Variants in SCAF8 observed in about 807,000 individuals in gnomAD.
SCAF8 encodes the protein SR-related and CTD-associated factor 8.
Under a neutral mutation model 140.5 loss-of-function variants are expected in SCAF8, and 23 were observed. The observed-to-expected ratio is 0.16, with a 90% CI of 0.12 to 0.23. The LOEUF is 0.23. Among genes scored for constraint, SCAF8 ranks in the 10% least tolerant of loss-of-function variants. The probability of loss-of-function intolerance (pLI) is 1.00; values close to 1 mark genes in which losing one functional copy is unlikely to be tolerated. For synonymous variants in SCAF8, 575 were observed against 528.9 expected (o/e 1.09, Z -1.20); for missense variants, 1,397 against 1,555.7 (o/e 0.90, Z 1.72).
Position 154,733,839 on chromosome 6 carries a change from C to T in SCAF8, c.-62C>T. ...CGCAGCAGCCCGCGTCTCGCTCTCCCCACCCAGTGCAGTGGCCGCCGCCTC... is the reference window on the plus strand; with the variant it reads ...CGCAGCAGCCCGCGTCTCGCTCTCCTCACCCAGTGCAGTGGCCGCCGCCTC... On this transcript the variant is annotated 5_prime_UTR_variant, in exon 1 of 20. Transcript: ENST00000367178. 7.2e-6 allele frequency: 11 copies of T among 1,526,250 alleles called. No homozygotes were observed. The highest frequency in any genetic ancestry group is 9.6e-6 in the Non-Finnish European group (11 of 1,142,828). The allele number at this position is 1,526,250 out of a possible 1,614,324, so 94.5% of individuals were successfully genotyped here. A position where few individuals can be genotyped will look rare whatever the true frequency, so the allele number is the denominator to read the frequency against.
chr6:154,805,550 T>C (rs1777889077), intron 9 of SCAF8, 64 bp downstream of exon 9: 1 of 884,912 alleles, frequency 1.1e-6, no homozygotes, highest in East Asian at 2.6e-5. Context: ...ATTGGCATTT[T>C]TGTGGGTTGG....
chr6:154,796,372 T>C (rs903402292), intron 6 of SCAF8, among the ~76,000 whole-genome samples: 1 of 138,214 alleles, frequency 7.2e-6, no homozygotes, highest in Non-Finnish European at 1.5e-5. Flanking sequence ...TCTCTCTCTC[T>C]CTCTCTCTCT....
At chr6:154,760,020 A>G (rs1359975023) in intron 1 of SCAF8, among the ~76,000 whole-genome samples, 1 of 152,106 alleles carries the variant, frequency 6.6e-6, no homozygotes, top group Non-Finnish European at 1.5e-5. Flanking sequence ...GGCTGGGCAT[A>G]GTAGCTCACG....
intron 5 of SCAF8, among the ~76,000 whole-genome samples, chr6:154,794,274 A>G (rs1359183640): frequency 1.3e-5 from 2 of 152,172 alleles, no homozygotes; most frequent in Middle Eastern, 3.4e-3. Context: ...AAATTTTTTT[A>G]TTGAAGATTG....
At chr6:154,770,559 G>A (rs1300503417) in intron 1 of SCAF8, among the ~76,000 whole-genome samples, 1 of 151,806 alleles carries the variant, frequency 6.6e-6, no homozygotes, top group African/African-American at 2.4e-5. Flanking sequence ...GGGTGACAAA[G>A]CAAGACCCTG....
intron 1 of SCAF8, among the ~76,000 whole-genome samples, chr6:154,744,019 G>A (rs971915162): frequency 7.2e-5 from 11 of 152,322 alleles, no homozygotes; most frequent in Non-Finnish European, 1.6e-4. Flanking sequence ...ACTTTACTGG[G>A]CACGGTGGCT....
chr6:154,801,003 G>A (rs1378676754), intron 6 of SCAF8, among the ~76,000 whole-genome samples: 2 of 151,404 alleles, frequency 1.3e-5, no homozygotes, highest in Non-Finnish European at 3.0e-5. Flanking sequence ...TCAGAGTAGA[G>A]GAAGAAAATT....
chr6:154,757,381 GA>G (rs1018730438), intron 1 of SCAF8, among the ~76,000 whole-genome samples: 1 of 152,180 alleles, frequency 6.6e-6, no homozygotes, highest in African/African-American at 2.4e-5. Flanking sequence ...AGTTCTGAGG[GA>G]AAAATTAAGA....
intron 4 of SCAF8, among the ~76,000 whole-genome samples, chr6:154,790,049 A>G (rs1203639084): frequency 1.3e-5 from 2 of 151,754 alleles, no homozygotes; most frequent in African/African-American, 2.4e-5. Context: ...TAGATTTCAT[A>G]ATATAATATC....
At chr6:154,779,115 C>T (rs1016668037) in intron 3 of SCAF8, among the ~76,000 whole-genome samples, 6 of 152,182 alleles carry the variant, frequency 3.9e-5, no homozygotes, top group Non-Finnish European at 4.4e-5. Context: ...TCACTGCAAC[C>T]TCTGTCTCCC....
rs778192744 is a variant in SCAF8 at position 154,795,145 on chromosome 6, C to T, written c.606+6C>T. The T allele has an allele frequency of 9.0e-6, 14 of 1,556,266 alleles. No individual in the cohort carries two copies. In the African/African-American group the frequency reaches 1.0e-4, roughly 11 times the overall value. ...AAAGTCCTCAAGGCCAGCAGGTGAGCGGTTTTTCTGTTATATCAAGAATAA... is the reference window on the plus strand; with the variant it reads ...AAAGTCCTCAAGGCCAGCAGGTGAGTGGTTTTTCTGTTATATCAAGAATAA... On this transcript the variant is annotated splice_donor_region_variant and intron_variant, in intron 6 of 19. Transcript: ENST00000367178.
chr6:154,819,992 C>T (rs1778366140), intron 14 of SCAF8, among the ~76,000 whole-genome samples, 185 bp from the exon 15 acceptor site: 2 of 152,142 alleles, frequency 1.3e-5, no homozygotes, highest in South Asian at 4.1e-4. Flanking sequence ...CTGTCTCAGA[C>T]AAAGGGAAAC....
intron 1 of SCAF8, among the ~76,000 whole-genome samples, chr6:154,742,426 A>C (rs1310062486): frequency 6.6e-6 from 1 of 152,204 alleles, no homozygotes; most frequent in Non-Finnish European, 1.5e-5. Flanking sequence ...ATAGGAATAA[A>C]GAATTGAATT....
chr6:154,819,516 A>T (rs1275932770), intron 14 of SCAF8, among the ~76,000 whole-genome samples: 3 of 152,122 alleles, frequency 2.0e-5, no homozygotes, highest in Non-Finnish European at 2.9e-5. Context: ...TTTTGAGCCC[A>T]TGAAGTCAAG....
intron 1 of SCAF8, among the ~76,000 whole-genome samples, chr6:154,747,405 T>G (rs1778727483): frequency 6.6e-6 from 1 of 152,068 alleles, no homozygotes; most frequent in African/African-American, 2.4e-5. Context: ...ATGTCTATAG[T>G]CCCAGCTACT....
chr6:154,753,770 G>A (rs1297219153), intron 1 of SCAF8, among the ~76,000 whole-genome samples: 4 of 152,220 alleles, frequency 2.6e-5, no homozygotes, highest in African/African-American at 9.6e-5. Context: ...GAAGAAAGCA[G>A]TAGGTGGATA....
At chr6:154,750,258 T>G (rs1483982763) in intron 1 of SCAF8, among the ~76,000 whole-genome samples, 14 of 152,174 alleles carry the variant, frequency 9.2e-5, no homozygotes, top group Non-Finnish European at 2.1e-4. Flanking sequence ...AGTTTGTACA[T>G]CTTGAATATT....
At chr6:154,796,415 CAAAT>C (rs1777611851) in intron 6 of SCAF8, among the ~76,000 whole-genome samples, 1 of 146,900 alleles carries the variant, frequency 6.8e-6, no homozygotes, top group African/African-American at 2.6e-5. Context: ...TTCTGACCCT[CAAAT>C]TCACGCTATC....
chr6:154,750,654 T>A (rs182257330), intron 1 of SCAF8, among the ~76,000 whole-genome samples: 53 of 152,354 alleles, frequency 3.5e-4, no homozygotes, highest in Non-Finnish European at 6.5e-4. Context: ...GAGATTTTAT[T>A]AGAATTTCTT....
Sources: allele counts gnomAD v4.1 joint callset (sites outside exome capture counted in the v4.1 genomes callset), GRCh38; gene constraint gnomAD v4.1.1; transcripts MANE v1.5; gene names NCBI Gene and HGNC (gene_info 2026-07-23, HGNC 2026-07-21).